Variants in UBN1 observed in about 807,000 individuals in gnomAD.
UBN1 encodes ubinuclein 1.
In UBN1, 17 loss-of-function variants were observed where a neutral mutation model predicts 108.5. The observed-to-expected ratio is 0.16, with a 90% CI of 0.11 to 0.24. The LOEUF is 0.24. UBN1 is among the 10% of genes least tolerant of loss of function. The pLI is 1.00. For synonymous variants in UBN1, 726 were observed against 564.2 expected (o/e 1.29, Z -4.07); for missense variants, 1,595 against 1,394.4 (o/e 1.14, Z -2.29).
At chr16:4,866,650 C>T (rs1235572259) in intron 7 of UBN1, among the ~76,000 whole-genome samples, 2 of 152,184 alleles carry the variant, frequency 1.3e-5, no homozygotes, top group African/African-American at 2.4e-5. Flanking sequence ...GTAGTTGGGA[C>T]CACAGGCATG....
At chr16:4,855,483 G>A (rs541022397) in intron 2 of UBN1, among the ~76,000 whole-genome samples, 1 of 151,810 alleles carries the variant, frequency 6.6e-6, no homozygotes, top group African/African-American at 2.4e-5. Context: ...GGGCATGATG[G>A]TGCATGCCTG....
In UBN1 at chr16:4,859,883, G is replaced by C; in HGVS notation, c.586G>C (p.Gly196Arg). ...TTCTCAGAAGCGGAAGTTGAAGGAA[G>C]GTGGTGAGAAGATAAAGAAGAAGAA... ...KSPKKRKLKE[G>R]GEKIKKKKKD... is the part of the protein sequence containing the mutation. The change falls in exon 6 of 18, where the codon GGT (glycine) becomes CGT (arginine). Residue 196 changes from glycine to arginine, a missense_variant. Physicochemically the swap from Gly to Arg is moderately radical, Grantham distance 125 (BLOSUM62 -2). Around this residue, in one of 3 missense-constraint regions of UBN1, gnomAD observed 1,398 missense variants for 1,194.7 expected, o/e 1.17. Coordinates refer to ENST00000262376, the MANE Select transcript of UBN1 (RefSeq NM_001079514.3). 6.2e-7 allele frequency: 1 copy of C among 1,614,072 alleles called. No individual in the cohort carries two copies. Among genetic ancestry groups the C allele is most frequent in the East Asian group, 2.2e-5 (1 of 44,874 alleles).
intron 1 of UBN1, 71 bp from the exon 2 acceptor site, chr16:4,852,808 T>C (rs1434284510): frequency 7.3e-7 from 1 of 1,369,296 alleles, no homozygotes; most frequent in Non-Finnish European, 9.9e-7. Flanking sequence ...TAAACTTAAA[T>C]CTCTTTAATT....
intron 7 of UBN1, among the ~76,000 whole-genome samples, chr16:4,868,155 C>G (rs2087427645): frequency 6.6e-6 from 1 of 152,202 alleles, no homozygotes; most frequent in African/African-American, 2.4e-5. Context: ...TGTGTTCCCG[C>G]TGTGTCGTGG....
Position 4,873,066 on chromosome 16 carries a change from A to T in UBN1, c.1793A>T (p.Lys598Met). The T allele has an allele frequency of 6.2e-7, 1 of 1,614,176 alleles. No homozygotes were observed. Among genetic ancestry groups the T allele is most frequent in the Non-Finnish European group, 8.5e-7 (1 of 1,180,032 alleles). Residue 598 changes from lysine (K) to methionine (M), a missense_variant, in exon 14 of 18, where the codon AAG becomes ATG. By Grantham distance (95) the Lys-to-Met change is moderately conservative. This residue lies in a region of UBN1 where 1,398 missense variants were observed against 1,194.7 expected (regional missense o/e 1.17). Coordinates refer to ENST00000262376, the MANE Select transcript of UBN1 (RefSeq NM_001079514.3). The stretch of plus-strand genomic sequence containing the variant: ...AAAGTTATGGCCCCTTCTAAAATCA[A>T]GGTGAAGGTGAGTCAGTTTGCTCGG... Reference protein sequence around the residue: ...KKKVMAPSKIKVKESSTKPDK... With the variant: ...KKKVMAPSKIMVKESSTKPDK...
rs1403345413 is a variant in UBN1 at position 4,875,049 on chromosome 16, C to T, written c.2639C>T (p.Ser880Phe). Residue 880 changes from serine to phenylalanine, a missense_variant, in exon 15 of 18, where the codon TCT becomes TTT. Physicochemically the swap from Ser to Phe is radical, Grantham distance 155 (BLOSUM62 -2). Coordinates refer to ENST00000262376, the MANE Select transcript of UBN1 (RefSeq NM_001079514.3). ...SSSHKTPASS[S>F]SALSHPAKPH... Reference sequence around the variant, plus strand: ...TCTCACAAGACCCCAGCCTCGTCCTCTTCTGCCCTGAGCCATCCAGCAAAG... The same window carrying T: ...TCTCACAAGACCCCAGCCTCGTCCTTTTCTGCCCTGAGCCATCCAGCAAAG... The T allele has an allele frequency of 6.2e-7, 1 of 1,614,028 alleles. No individual in the cohort carries two copies. The highest frequency in any genetic ancestry group is 2.2e-5 in the East Asian group (1 of 44,892).
intron 1 of UBN1, among the ~76,000 whole-genome samples, chr16:4,849,120 G>C (rs1596463642): frequency 6.6e-6 from 1 of 151,168 alleles, no homozygotes; most frequent in South Asian, 2.1e-4. Flanking sequence ...AAAGAAAAAA[G>C]AAAAAAAAAT....
intron 7 of UBN1, among the ~76,000 whole-genome samples, chr16:4,865,842 A>G (rs1040939085): frequency 6.6e-6 from 1 of 152,044 alleles, no homozygotes; most frequent in Admixed American, 6.6e-5. Flanking sequence ...GGTGCCTGTA[A>G]TCCCAGCTAC....
rs761066488 is a variant in UBN1, at chr16:4,870,916, A to C, written c.1503A>C (p.Lys501Asn). 1 of 1,614,114 alleles carries C rather than the reference A, an allele frequency of 6.2e-7. No homozygotes were observed. Among genetic ancestry groups the C allele is most frequent in the Non-Finnish European group, 8.5e-7 (1 of 1,180,024 alleles). ...CGGATGAGGAAGAAGATGAAGAAAA[A>C]GGGGGCAGGAGGATAATGGGACCTC... ...ICSDEEEDEE[K>N]GGRRIMGPRK... The change falls in exon 11 of 18, where the codon AAA (lysine) becomes AAC (asparagine). Residue 501 changes from lysine to asparagine, a missense_variant. Transcript: ENST00000262376.
chr16:4,861,174 T>G, intron 7 of UBN1, 72 bp downstream of exon 7: 1 of 1,476,722 alleles, frequency 6.8e-7, no homozygotes, highest in South Asian at 1.3e-5. Flanking sequence ...CTGCACTGCG[T>G]GAAGCTTGCC....
chr16:4,855,392 A>T (rs757154943), intron 2 of UBN1, among the ~76,000 whole-genome samples: 7 of 152,074 alleles, frequency 4.6e-5, no homozygotes, highest in Admixed American at 3.9e-4. Context: ...AGACATGAGG[A>T]TCACTTGACC....
chr16:4,874,731 C>T lies in UBN1; in HGVS notation c.2321C>T (p.Pro774Leu). The change falls in exon 15 of 18, where the codon CCA (proline) becomes CTA (leucine). Residue 774 changes from proline (P) to leucine (L), a missense_variant. By Grantham distance (98) the Pro-to-Leu change is moderately conservative. Coordinates refer to ENST00000262376, the MANE Select transcript of UBN1 (RefSeq NM_001079514.3). ...CAGGCTCCCCTCAATAAGGGCCTGC[C>T]AGAAGTACATCAGTCCAAAGCTAAG... is the stretch of plus-strand genomic sequence containing the variant. ...SCQAPLNKGLPEVHQSKAKHH... is the reference protein window; with the variant it reads ...SCQAPLNKGLLEVHQSKAKHH... 3.1e-6 allele frequency: 5 copies of T among 1,614,080 alleles called. No individual in the cohort carries two copies. The highest frequency in any genetic ancestry group is 4.2e-6 in the Non-Finnish European group (5 of 1,180,028).
At position 4,875,241 on chromosome 16, in the gene UBN1, A is replaced by C; in HGVS notation, c.2831A>C (p.Gln944Pro). The change falls in exon 15 of 18, where the codon CAG becomes CCG. Residue 944 changes from glutamine to proline, a missense_variant. Physicochemically the swap from Gln to Pro is moderately conservative, Grantham distance 76. Transcript: ENST00000262376. The part of the protein sequence containing the change: ...VPGIQPPSVG[Q>P]ATSRPVPSSA... The stretch of plus-strand genomic sequence containing the variant: ...GGCATACAGCCTCCCTCCGTGGGAC[A>C]GGCCACCAGCCGACCCGTCCCAAGT... 6.2e-7 allele frequency: 1 copy of C among 1,614,206 alleles called. No homozygotes were observed. Among genetic ancestry groups the C allele is most frequent in the Non-Finnish European group, 8.5e-7 (1 of 1,180,046 alleles).
intron 2 of UBN1, among the ~76,000 whole-genome samples, chr16:4,857,000 C>G (rs1444388240): frequency 6.6e-6 from 1 of 152,040 alleles, no homozygotes; most frequent in African/African-American, 2.4e-5. Flanking sequence ...TTCTGTCTAC[C>G]TTGAAGTCTT....
chr16:4,870,122 CTCCTAGCTT>C lies in UBN1; in HGVS notation c.1182-85_1182-77del, dbSNP rs372460539. Reference sequence around the variant, plus strand: ...CAAGACAGGGTTTGACTGCCGTTGGCTCCTAGCTTTCCTCTCCACGTACGGTGAGCTGAT... The same window carrying C: ...CAAGACAGGGTTTGACTGCCGTTGGCTCCTCTCCACGTACGGTGAGCTGAT... On this transcript the variant is annotated intron_variant, in intron 8 of 17. Coordinates refer to ENST00000262376, the MANE Select transcript of UBN1 (RefSeq NM_001079514.3). The C allele has an allele frequency of 1.6e-5, 25 of 1,576,588 alleles. No homozygotes were observed. In the African/African-American group the frequency reaches 3.1e-4, roughly 20 times the overall value.
chr16:4,863,493 G>C (rs992187895), intron 7 of UBN1, among the ~76,000 whole-genome samples: 1 of 151,930 alleles, frequency 6.6e-6, no homozygotes, highest in Non-Finnish European at 1.5e-5. Context: ...CCTTAATAAG[G>C]GGTCCATCCT....
At chr16:4,871,421 G>C in intron 12 of UBN1, 120 bp downstream of exon 12, 1 of 1,398,870 alleles carries the variant, frequency 7.1e-7, no homozygotes, top group African/African-American at 1.4e-5. Flanking sequence ...CCTCAACTCT[G>C]ATCTCACCTG....
rs1259733213 is a variant in UBN1 at position 4,877,869 on chromosome 16, A to G, written c.3355+395A>G. On this transcript the variant is annotated intron_variant, in intron 17 of 17. Coordinates refer to ENST00000262376, the MANE Select transcript of UBN1 (RefSeq NM_001079514.3). The surrounding 1 kb of genome is among the most constrained non-coding windows in gnomAD (Gnocchi z 4.3). ...CTAATTGGGTACAACAAGGTCTTGG[A>G]ATGCAAGCTGCTCCACTGTCAGATG... The G allele has an allele frequency of 1.0e-6, 1 of 981,138 alleles. No homozygotes were observed. Among genetic ancestry groups the G allele is most frequent in the Non-Finnish European group, 1.2e-6 (1 of 823,846 alleles). 60.8% of individuals were successfully genotyped at this position (981,138 alleles called of 1,614,324 possible).
intron 8 of UBN1, among the ~76,000 whole-genome samples, chr16:4,869,993 T>C (rs991878028): frequency 4.6e-5 from 7 of 152,224 alleles, no homozygotes; most frequent in African/African-American, 1.4e-4. Flanking sequence ...CTAAGAGCCT[T>C]GGCCCACATT....
Sources: allele counts gnomAD v4.1 joint callset (sites outside exome capture counted in the v4.1 genomes callset), GRCh38; gene constraint gnomAD v4.1.1; regional missense constraint gnomAD v4.1.1; non-coding constraint Gnocchi (gnomAD v3.1); transcripts MANE v1.5; gene names NCBI Gene and HGNC (gene_info 2026-07-23, HGNC 2026-07-21).